SCHIP1: variants seen among roughly 807,000 people sequenced by gnomAD.
SCHIP1 encodes schwannomin interacting protein 1.
In SCHIP1, 8 loss-of-function variants were observed where a neutral mutation model predicts 29.7. That is an observed-to-expected ratio of 0.27 (90% CI 0.16 to 0.49). The LOEUF is 0.49. Among genes scored for constraint, SCHIP1 ranks in the 20% least tolerant of loss-of-function variants. The pLI is 0.99. For missense variants in SCHIP1, 193 were observed against 294.6 expected, an observed-to-expected ratio of 0.66 and a Z score of 2.52; for synonymous variants, 76 against 94.9, an observed-to-expected ratio of 0.80 and a Z score of 1.16.
chr3:159,559,278 C>T, the SCHIP1 span, among the ~76,000 whole-genome samples: 3 of 152,196 alleles, frequency 2.0e-5, no homozygotes, highest in Non-Finnish European at 4.4e-5. Flanking sequence ...AAATTTCTTT[C>T]CCATTAGTAT....
the SCHIP1 span, among the ~76,000 whole-genome samples, chr3:159,432,571 A>G: frequency 6.6e-6 from 1 of 152,104 alleles, no homozygotes; most frequent in Non-Finnish European, 1.5e-5. Flanking sequence ...TTTTAAAACT[A>G]CCACTGGCAA....
the SCHIP1 span, among the ~76,000 whole-genome samples, chr3:159,450,807 CTT>C: frequency 0.2 from 25,083 of 122,358 alleles, 1,591 homozygotes; most frequent in African/African-American, 0.32. Flanking sequence ...ATTTAGTATT[CTT>C]TTTTTTTTTT....
At chr3:159,543,199 T>C in the SCHIP1 span, among the ~76,000 whole-genome samples, 1 of 151,562 alleles carries the variant, frequency 6.6e-6, no homozygotes, top group Non-Finnish European at 1.5e-5. Flanking sequence ...TTTTGTTTTG[T>C]TTTGTTTTTT....
chr3:159,523,079 C>A, the SCHIP1 span, among the ~76,000 whole-genome samples: 1 of 152,288 alleles, frequency 6.6e-6, no homozygotes, highest in East Asian at 1.9e-4. Context: ...TCTCAACCAC[C>A]TTCACCCCTT....
chr3:159,496,124 A>T, the SCHIP1 span, among the ~76,000 whole-genome samples: 1 of 152,216 alleles, frequency 6.6e-6, no homozygotes. Context: ...TAAAGACTTA[A>T]ACTTTAAACC....
chr3:159,669,936 G>A, the SCHIP1 span, among the ~76,000 whole-genome samples: 1 of 152,210 alleles, frequency 6.6e-6, no homozygotes, highest in Non-Finnish European at 1.5e-5. Context: ...TGTCGTCAGG[G>A]AGCTGCGTGA....
the SCHIP1 span, among the ~76,000 whole-genome samples, chr3:159,571,842 G>A: frequency 6.6e-6 from 1 of 152,064 alleles, no homozygotes; most frequent in African/African-American, 2.4e-5. Flanking sequence ...ACTTCTTCCT[G>A]GTTTAGTCCT....
At chr3:159,328,404 C>T in the SCHIP1 span, among the ~76,000 whole-genome samples, 1 of 152,058 alleles carries the variant, frequency 6.6e-6, no homozygotes, top group East Asian at 1.9e-4. Context: ...TATGTCAGCA[C>T]ACTGTTGTGG....
chr3:159,851,676 T>G (rs1165723115), intron 1 of SCHIP1, among the ~76,000 whole-genome samples: 2 of 152,250 alleles, frequency 1.3e-5, no homozygotes, highest in Non-Finnish European at 2.9e-5. Context: ...CCCCAAAGTC[T>G]TAGCCTTGGT....
the SCHIP1 span, among the ~76,000 whole-genome samples, chr3:159,412,673 T>C: frequency 2.0e-5 from 3 of 152,150 alleles, no homozygotes; most frequent in Non-Finnish European, 2.9e-5. Flanking sequence ...TGGAGCAAGT[T>C]TGCACTGTGA....
chr3:159,840,325 C>A, intron 1 of SCHIP1: 1 of 916,224 alleles, frequency 1.1e-6, no homozygotes, highest in East Asian at 2.6e-5. Flanking sequence ...TGCCATCTTC[C>A]GCGCCTGGCC....
the SCHIP1 span, among the ~76,000 whole-genome samples, chr3:159,298,598 G>A: frequency 1.2e-4 from 19 of 152,152 alleles, no homozygotes; most frequent in African/African-American, 3.9e-4. Flanking sequence ...TATAATACAC[G>A]GACACTCTTG....
chr3:159,615,983 C>T, the SCHIP1 span, among the ~76,000 whole-genome samples: 1 of 152,130 alleles, frequency 6.6e-6, no homozygotes, highest in Non-Finnish European at 1.5e-5. Context: ...CCTGTGGCTC[C>T]AGAGAGTCTA....
At chr3:159,310,769 A>C in the SCHIP1 span, among the ~76,000 whole-genome samples, 1 of 152,202 alleles carries the variant, frequency 6.6e-6, no homozygotes, top group African/African-American at 2.4e-5. Context: ...CAAAATTTCT[A>C]CATCTTTTGT....
the SCHIP1 span, among the ~76,000 whole-genome samples, chr3:159,712,701 AAAAGG>A: frequency 1.1e-4 from 17 of 151,802 alleles, no homozygotes; most frequent in African/African-American, 3.4e-4. Context: ...GAGTGATGGA[AAAAGG>A]AAAGGAAAGG....
chr3:159,801,628 GA>G, the SCHIP1 span, among the ~76,000 whole-genome samples: 3 of 151,542 alleles, frequency 2.0e-5, no homozygotes, highest in Admixed American at 1.3e-4. Flanking sequence ...TTTTGAAAAG[GA>G]AAAAAAATTA....
the SCHIP1 span, among the ~76,000 whole-genome samples, chr3:159,618,655 C>G: frequency 1.3e-5 from 2 of 152,222 alleles, no homozygotes. Context: ...CAAAACGAAA[C>G]AAAACTTAGA....
the SCHIP1 span, among the ~76,000 whole-genome samples, chr3:159,468,131 C>T: frequency 6.6e-6 from 1 of 152,056 alleles, no homozygotes; most frequent in African/African-American, 2.4e-5. Flanking sequence ...TCAGATTTAT[C>T]ATAGTAGGCT....
At chr3:159,871,455 C>A (rs568781295) in intron 2 of SCHIP1, among the ~76,000 whole-genome samples, 1 of 152,076 alleles carries the variant, frequency 6.6e-6, no homozygotes, top group African/African-American at 2.4e-5. Context: ...TCTAAGAGAG[C>A]AAGACTTCGT....
Sources: allele counts gnomAD v4.1 joint callset (sites outside exome capture counted in the v4.1 genomes callset), GRCh38; gene constraint gnomAD v4.1.1; transcripts MANE v1.5; gene names NCBI Gene and HGNC (gene_info 2026-07-23, HGNC 2026-07-21).